The following GPC6 variants were observed in gnomAD, a reference collection of about 807,000 sequenced individuals.
The protein encoded by GPC6 is glypican-6.
GPC6 carries 14 observed loss-of-function variants against 55.2 expected under a neutral mutation model. That is an observed-to-expected ratio of 0.25 (90% confidence interval 0.17 to 0.40). GPC6 has a LOEUF of 0.40. Ranked by LOEUF, GPC6 falls within the 10% of genes least tolerant of loss-of-function variation. GPC6 has a pLI of 1.00. For synonymous variants in GPC6, 278 were observed against 259.6 expected (o/e 1.07, Z -0.68); for missense variants, 641 against 708.5 (o/e 0.90, Z 1.08).
chr13:94,354,794 C>T (rs9524456), intron 6 of GPC6, among the ~76,000 whole-genome samples: 1 of 152,214 alleles, frequency 6.6e-6, no homozygotes, highest in Non-Finnish European at 1.5e-5. Flanking sequence ...AAATTGTCAG[C>T]CATCAGTGTT....
intron 7 of GPC6, among the ~76,000 whole-genome samples, chr13:94,384,627 C>T (rs1434077741): frequency 6.6e-6 from 1 of 152,182 alleles, no homozygotes; most frequent in Non-Finnish European, 1.5e-5. Flanking sequence ...AATATAAAGA[C>T]CACTGAAGTT....
intron 1 of GPC6, among the ~76,000 whole-genome samples, chr13:93,529,388 T>C (rs1881773847): frequency 6.6e-6 from 1 of 151,934 alleles, no homozygotes; most frequent in African/African-American, 2.4e-5. Flanking sequence ...GCTGTCCTTA[T>C]AAAAGGCATC....
chr13:94,288,009 CCATTCATT>C (rs951567786), intron 5 of GPC6, among the ~76,000 whole-genome samples: 2 of 152,246 alleles, frequency 1.3e-5, no homozygotes, highest in African/African-American at 4.8e-5. Context: ...CCTTTTCATT[CCATTCATT>C]CATTCATTCA....
chr13:93,739,794 G>A (rs1384948435), intron 2 of GPC6, among the ~76,000 whole-genome samples: 1 of 152,134 alleles, frequency 6.6e-6, no homozygotes, highest in East Asian at 1.9e-4. Flanking sequence ...CTAGCGTAGG[G>A]ATTTAATCCC....
chr13:93,662,019 C>T (rs1483293615), intron 2 of GPC6, among the ~76,000 whole-genome samples: 1 of 152,090 alleles, frequency 6.6e-6, no homozygotes, highest in Non-Finnish European at 1.5e-5. Context: ...CTGCCGGTCC[C>T]CAAAACTGTT....
At chr13:93,840,774 C>T (rs74108888) in intron 3 of GPC6, among the ~76,000 whole-genome samples, 5,264 of 152,108 alleles carry the variant, frequency 0.035, 273 homozygotes, top group East Asian at 0.17. Context: ...ACAGATGAGA[C>T]GTCTTTGTTA....
chr13:94,180,574 G>A (rs1170704122), intron 4 of GPC6, among the ~76,000 whole-genome samples: 1 of 152,172 alleles, frequency 6.6e-6, no homozygotes, highest in Admixed American at 6.5e-5. Context: ...CATGCAGAGG[G>A]AGTGACGGTT....
chr13:94,043,062 A>G (rs1303634062), intron 4 of GPC6, among the ~76,000 whole-genome samples: 2 of 151,760 alleles, frequency 1.3e-5, no homozygotes, highest in Non-Finnish European at 2.9e-5. Context: ...TTTGGGTCCT[A>G]TATCCTTCTG....
intron 1 of GPC6, among the ~76,000 whole-genome samples, chr13:93,266,199 A>G (rs1189590726): frequency 6.6e-6 from 1 of 152,252 alleles, no homozygotes; most frequent in Non-Finnish European, 1.5e-5. Flanking sequence ...AAGCCTTATT[A>G]ATGCATTACA....
rs536861284 is a variant in GPC6, at chr13:93,705,840, A to G, written c.320-124314A>G. Among the ~76,000 whole-genome samples, 3 of 150,742 alleles carry G rather than the reference A, an allele frequency of 2.0e-5. No individual in the cohort carries two copies. In the East Asian group the frequency reaches 5.9e-4, roughly 30 times the overall value. ...TTTTTTTTTTTTTGTATACTTCCTA[A>G]GAGTAAGTTGTTTTTATTCCCAAGT... On this transcript the variant is annotated intron_variant, in intron 2 of 8. Transcript: ENST00000377047.
At chr13:93,798,725 C>T (rs890343646) in intron 2 of GPC6, among the ~76,000 whole-genome samples, 15 of 151,900 alleles carry the variant, frequency 9.9e-5, no homozygotes, top group African/African-American at 2.9e-4. Flanking sequence ...TCGAGATCAG[C>T]CTGGCTAACA....
At chr13:93,516,607 A>G (rs1881204353) in intron 1 of GPC6, among the ~76,000 whole-genome samples, 1 of 152,216 alleles carries the variant, frequency 6.6e-6, no homozygotes, top group Non-Finnish European at 1.5e-5. Context: ...TAAAAAAAAT[A>G]ATTACTTATA....
intron 4 of GPC6, among the ~76,000 whole-genome samples, chr13:94,116,631 A>T (rs1430711204): frequency 6.6e-6 from 1 of 152,108 alleles, no homozygotes; most frequent in East Asian, 1.9e-4. Flanking sequence ...CATTTTAAGC[A>T]TTGAAACAAG....
chr13:94,398,915 T>G (rs1881010348), intron 8 of GPC6, among the ~76,000 whole-genome samples: 1 of 152,236 alleles, frequency 6.6e-6, no homozygotes, highest in Non-Finnish European at 1.5e-5. Context: ...ACCAGTTGAT[T>G]CATTAATGAC....
rs1447481702 is a variant in GPC6 at position 93,283,071 on chromosome 13, G to C, written c.160+55455G>C. ...ATAATCACTTTAAGCTCTTTTACAT[G>C]GTTCTTTTGGTAATTAATTCAAATC... On this transcript the variant is annotated intron_variant, in intron 1 of 8. Transcript: ENST00000377047. Among the ~76,000 whole-genome samples the C allele has an allele frequency of 2.2e-5, 3 of 136,860 alleles. No individual in the cohort carries two copies. The East Asian group carries it at 6.6e-4, about 30-fold the overall frequency. 89.8% of individuals were successfully genotyped at this position (136,860 alleles called of 152,430 possible).
intron 1 of GPC6, among the ~76,000 whole-genome samples, chr13:93,544,617 A>G (rs947122580): frequency 1.3e-5 from 2 of 152,222 alleles, no homozygotes; most frequent in African/African-American, 2.4e-5. Context: ...CAGTAGATAG[A>G]TCTGTTGAAT....
chr13:94,099,013 T>C (rs1237542020), intron 4 of GPC6, among the ~76,000 whole-genome samples: 2 of 152,118 alleles, frequency 1.3e-5, no homozygotes, highest in Admixed American at 1.3e-4. Context: ...TGCAGTAACA[T>C]ATATTTATCC....
intron 1 of GPC6, among the ~76,000 whole-genome samples, chr13:93,314,435 A>C (rs1412284127): frequency 6.6e-6 from 1 of 152,146 alleles, no homozygotes; most frequent in Non-Finnish European, 1.5e-5. Context: ...TTAGGAACAG[A>C]TGACCAGGTT....
intron 6 of GPC6, among the ~76,000 whole-genome samples, chr13:94,363,126 A>G (rs962803144): frequency 6.6e-5 from 10 of 152,140 alleles, no homozygotes; most frequent in African/African-American, 2.4e-4. Flanking sequence ...AAAACTTTAA[A>G]AAATATTTTC....
Sources: gnomAD v4.1 joint callset for allele counts (sites outside exome capture counted in the v4.1 genomes callset) on GRCh38, gnomAD v4.1.1 for gene constraint, MANE v1.5 for transcripts, NCBI Gene and HGNC (gene_info 2026-07-23, HGNC 2026-07-21) for gene names.